The following RBM27 variants were observed in gnomAD, a reference collection of about 807,000 sequenced individuals.
RBM27 encodes RNA-binding protein 27.
A neutral mutation model predicts 135.3 loss-of-function variants in RBM27; 22 were observed. That is an observed-to-expected ratio of 0.16 (90% CI 0.12 to 0.23). The LOEUF (loss-of-function observed/expected upper bound fraction) is 0.23, where lower values mean the gene tolerates loss of function less well. RBM27 is among the 10% of genes least tolerant of loss of function. RBM27 has a pLI of 1.00. For synonymous variants in RBM27, 481 were observed against 442.4 expected, an observed-to-expected ratio of 1.09 and a Z score of -1.10; for missense variants, 1,009 against 1,281.0, an observed-to-expected ratio of 0.79 and a Z score of 3.24.
In RBM27 at chr5:146,203,731, AG is replaced by A; in HGVS notation, c.-34del. 1 of 1,546,472 alleles carries A rather than the reference AG, an allele frequency of 6.5e-7. No homozygotes were observed. Among genetic ancestry groups the A allele is most frequent in the Non-Finnish European group, 8.7e-7 (1 of 1,143,386 alleles). ...TAGTGGAGACCCACGGCAGGCCTGA[AG>A]AAGAGCGGCGGCCGAGCCCGCCTTC... On this transcript the variant is annotated 5_prime_UTR_variant, in exon 1 of 21. Coordinates refer to ENST00000265271, the MANE Select transcript of RBM27 (RefSeq NM_018989.2).
intron 1 of RBM27, among the ~76,000 whole-genome samples, chr5:146,205,912 G>C (rs1755624918): frequency 1.3e-5 from 2 of 152,052 alleles, no homozygotes; most frequent in African/African-American, 4.8e-5. Context: ...CCAACTACTC[G>C]GGAGGCTGAG....
intron 2 of RBM27, among the ~76,000 whole-genome samples, chr5:146,221,228 A>G (rs2094771730): frequency 6.6e-6 from 1 of 152,126 alleles, no homozygotes; most frequent in Non-Finnish European, 1.5e-5. Context: ...GGAACTATAC[A>G]CTACATTTTT....
chr5:146,229,640 T>C (rs1333176549), intron 4 of RBM27, 77 bp from the exon 5 acceptor site: 15 of 1,210,216 alleles, frequency 1.2e-5, no homozygotes, highest in Non-Finnish European at 1.6e-5. Context: ...GACTCAAGAG[T>C]AGTATTTATA....
At chr5:146,241,971 A>G (rs908420552) in intron 8 of RBM27, among the ~76,000 whole-genome samples, 5 of 152,116 alleles carry the variant, frequency 3.3e-5, no homozygotes, top group African/African-American at 7.2e-5. Flanking sequence ...TAAAATTTTT[A>G]GTAGGCACAG....
At position 146,203,757 on chromosome 5, in the gene RBM27, C is replaced by A. The variant is rs1755487599; in HGVS notation, c.-9C>A. On this transcript the variant is annotated 5_prime_UTR_variant, in exon 1 of 21. Coordinates refer to ENST00000265271, the MANE Select transcript of RBM27 (RefSeq NM_018989.2). ...GAAGAGCGGCGGCCGAGCCCGCCTT[C>A]CCTGCACCATGCTCATAGAGGATGT... is the stretch of plus-strand genomic sequence containing the variant. 3 of 1,550,640 alleles carry A rather than the reference C, an allele frequency of 1.9e-6. No homozygotes were observed. Among genetic ancestry groups the A allele is most frequent in the Non-Finnish European group, 2.6e-6 (3 of 1,146,562 alleles).
chr5:146,258,453 T>C lies in RBM27; in HGVS notation c.1599T>C (p.Ala533=). 1.3e-6 allele frequency: 2 copies of C among 1,552,090 alleles called. No individual in the cohort carries two copies. The highest frequency in any genetic ancestry group is 8.7e-7 in the Non-Finnish European group (1 of 1,151,670). The change falls in exon 11 of 21, where the codon GCT becomes GCC. Residue 533 remains alanine, a synonymous_variant. Transcript: ENST00000265271. The part of the protein sequence containing the change: ...SGDMDVNPRA[A]NIVIQTEPPV... Reference sequence around the variant, plus strand: ...TTCAATTTTTTTTTCCAACAGCTGCTAACATTGTGATCCAGACTGAACCAC... The same window carrying C: ...TTCAATTTTTTTTTCCAACAGCTGCCAACATTGTGATCCAGACTGAACCAC...
intron 1 of RBM27, among the ~76,000 whole-genome samples, chr5:146,208,815 A>G (rs1031746365): frequency 1.3e-5 from 2 of 152,216 alleles, no homozygotes; most frequent in Admixed American, 6.6e-5. Context: ...CTATCAAAAC[A>G]TGTTGTATTT....
chr5:146,239,553 C>T (rs528664315), intron 8 of RBM27, among the ~76,000 whole-genome samples: 13 of 147,926 alleles, frequency 8.8e-5, no homozygotes, highest in African/African-American at 3.3e-4. Flanking sequence ...TCTCAACTCC[C>T]TGCAACCTTT....
chr5:146,208,680 C>G (rs1372764318), intron 1 of RBM27, among the ~76,000 whole-genome samples: 1 of 152,092 alleles, frequency 6.6e-6, no homozygotes, highest in Non-Finnish European at 1.5e-5. Context: ...AATAACTGCT[C>G]ATTGTAAGAA....
intron 1 of RBM27, among the ~76,000 whole-genome samples, chr5:146,210,904 G>A (rs1755907385): frequency 6.6e-6 from 1 of 151,030 alleles, no homozygotes; most frequent in South Asian, 2.1e-4. Flanking sequence ...CCGAGATTGC[G>A]CCACCGCACT....
intron 3 of RBM27, among the ~76,000 whole-genome samples, chr5:146,228,280 TTC>T (rs1366470162): frequency 0.01 from 1,455 of 142,338 alleles, 35 homozygotes; most frequent in African/African-American, 0.039. Flanking sequence ...GGACCATTCT[TTC>T]TTTTTTTTTT....
chr5:146,267,845 A>AC, intron 15 of RBM27, 77 bp downstream of exon 15: 1 of 1,435,718 alleles, frequency 7.0e-7, no homozygotes, highest in Non-Finnish European at 9.6e-7. Flanking sequence ...ATCACTTTTA[A>AC]ATCAGTTCAT....
chr5:146,267,552 G>A, intron 14 of RBM27, 97 bp from the exon 15 acceptor site: 1 of 757,470 alleles, frequency 1.3e-6, no homozygotes, highest in Admixed American at 2.7e-5. Context: ...CTCCTAAGAA[G>A]AGTAGAAATA....
chr5:146,238,597 A>T (rs995844284), intron 8 of RBM27, among the ~76,000 whole-genome samples: 2 of 151,902 alleles, frequency 1.3e-5, no homozygotes, highest in Non-Finnish European at 2.9e-5. Flanking sequence ...TTAAAAAATT[A>T]CTTCCTTCAA....
At chr5:146,260,393 T>C (rs1261003358) in intron 11 of RBM27, among the ~76,000 whole-genome samples, 1 of 152,120 alleles carries the variant, frequency 6.6e-6, no homozygotes, top group Non-Finnish European at 1.5e-5. Flanking sequence ...AATCAATCAG[T>C]TAATTTATTA....
Position 146,207,402 on chromosome 5 carries a change from GA to G in RBM27, c.59+3579del, listed in dbSNP as rs571671694. Among the ~76,000 whole-genome samples the G allele has an allele frequency of 7.5e-4, 114 of 151,492 alleles. 1 individual carries two copies. In the East Asian group the frequency reaches 0.017, roughly 23 times the overall value. On this transcript the variant is annotated intron_variant, in intron 1 of 20. Transcript: ENST00000265271. ...CTAATTTTTTGTATTTTTTAGTAGA[GA>G]GGGGGTTTCACTTTGTTGGCCAGGC...
intron 1 of RBM27, among the ~76,000 whole-genome samples, chr5:146,211,700 C>T (rs368920618): frequency 4.0e-5 from 6 of 151,368 alleles, no homozygotes; most frequent in African/African-American, 9.7e-5. Flanking sequence ...AGGCTGGTCT[C>T]GAACTCCTGA....
At position 146,233,650 on chromosome 5, in the gene RBM27, C is replaced by A; in HGVS notation, c.1051C>A (p.Pro351Thr). The change falls in exon 7 of 21, where the codon CCG (proline) becomes ACG (threonine). Residue 351 changes from proline (P) to threonine (T), a missense_variant. By Grantham distance (38) the Pro-to-Thr change is conservative (BLOSUM62 -1). Coordinates refer to ENST00000265271, the MANE Select transcript of RBM27 (RefSeq NM_018989.2). ...CCCGGGCCCAGGTCCAGGCCCAGGC[C>A]CGGGCCCAGGTCCAGGTCCTGGCCA... ...PGPGPGPGPG[P>T]GPGPGPGHSM... is the part of the protein sequence containing the mutation. 6.4e-7 allele frequency: 1 copy of A among 1,571,618 alleles called. No homozygotes were observed. The highest frequency in any genetic ancestry group is 1.7e-4 in the Middle Eastern group (1 of 5,822).
chr5:146,209,570 C>T (rs1382714308), intron 1 of RBM27, among the ~76,000 whole-genome samples: 1 of 152,142 alleles, frequency 6.6e-6, no homozygotes, highest in African/African-American at 2.4e-5. Flanking sequence ...TTACATGTTG[C>T]TGTATGTTGG....
Sources: allele counts gnomAD v4.1 joint callset (sites outside exome capture counted in the v4.1 genomes callset), GRCh38; gene constraint gnomAD v4.1.1; transcripts MANE v1.5; gene names NCBI Gene and HGNC (gene_info 2026-07-23, HGNC 2026-07-21).